ROBO2: variants seen among roughly 807,000 people sequenced by gnomAD.
ROBO2 encodes the protein roundabout guidance receptor 2.
A neutral mutation model predicts 160.8 loss-of-function variants in ROBO2; 53 were observed. That is an observed-to-expected ratio of 0.33 (90% CI 0.26 to 0.41). The LOEUF is 0.41. ROBO2 is among the 10% of genes least tolerant of loss of function. The probability of loss-of-function intolerance (pLI) is 1.00; values close to 1 mark genes in which losing one functional copy is unlikely to be tolerated. For synonymous variants in ROBO2, 664 were observed against 611.7 expected, an observed-to-expected ratio of 1.09 and a Z score of -1.26; for missense variants, 1,577 against 1,722.4, an observed-to-expected ratio of 0.92 and a Z score of 1.49.
chr3:77,454,809 A>G (rs940014439), intron 2 of ROBO2, among the ~76,000 whole-genome samples: 3 of 151,916 alleles, frequency 2.0e-5, no homozygotes, highest in African/African-American at 7.3e-5. Flanking sequence ...ATATCCATTC[A>G]TTTGTGGTAG....
intron 2 of ROBO2, among the ~76,000 whole-genome samples, chr3:76,138,242 T>C (rs1019267020): frequency 6.6e-6 from 1 of 152,008 alleles, no homozygotes; most frequent in Non-Finnish European, 1.5e-5. Context: ...AAAAGCACTT[T>C]TATGTTGCGC....
chr3:75,922,308 A>T (rs536796654), intron 1 of ROBO2, among the ~76,000 whole-genome samples: 1 of 152,324 alleles, frequency 6.6e-6, no homozygotes, highest in Admixed American at 6.5e-5. Context: ...ATAGACAAAT[A>T]TCACTTGCAA....
At chr3:76,297,982 C>A (rs1709166392) in intron 2 of ROBO2, among the ~76,000 whole-genome samples, 1 of 152,120 alleles carries the variant, frequency 6.6e-6, no homozygotes, top group African/African-American at 2.4e-5. Context: ...AAAGATGCAT[C>A]TAAAGTGCTG....
In ROBO2 at chr3:75,933,155, G is replaced by A. The variant is rs572599036; in HGVS notation, c.-13-4326G>A. Among the ~76,000 whole-genome samples the A allele has an allele frequency of 2.3e-4, 35 of 152,252 alleles. No homozygotes were observed. In the South Asian group the frequency reaches 6.8e-3, roughly 30 times the overall value. ...ATCTTAATCTAAGTTATTACTGAAT[G>A]TGAGTCATGTGATGGCTTCTAATGA... On this transcript the variant is annotated intron_variant, in intron 1 of 26. Transcript: ENST00000487694.
chr3:76,277,676 A>T (rs557578348), intron 2 of ROBO2, among the ~76,000 whole-genome samples: 17 of 152,112 alleles, frequency 1.1e-4, no homozygotes, highest in African/African-American at 3.8e-4. Context: ...GTCATTAAAA[A>T]TTAGCAGTGT....
chr3:76,268,658 G>C (rs1183414236), intron 2 of ROBO2, among the ~76,000 whole-genome samples: 3 of 152,068 alleles, frequency 2.0e-5, no homozygotes, highest in African/African-American at 7.2e-5. Context: ...TTCAAATAAA[G>C]TCACGTTTGA....
intron 2 of ROBO2, among the ~76,000 whole-genome samples, chr3:76,436,193 CTTTT>C (rs200738328): frequency 5.3e-5 from 8 of 151,108 alleles, no homozygotes; most frequent in African/African-American, 1.7e-4. Context: ...ATTTCTTTTT[CTTTT>C]TTTTTATTTT....
chr3:77,016,686 A>G (rs1256121263), intron 2 of ROBO2, among the ~76,000 whole-genome samples: 6 of 152,144 alleles, frequency 3.9e-5, no homozygotes, highest in African/African-American at 1.4e-4. Flanking sequence ...TCACCATTCT[A>G]TAGGTGAGGA....
upstream of ROBO2, among the ~76,000 whole-genome samples, chr3:77,038,712 A>T (rs551750294): frequency 6.6e-6 from 1 of 152,046 alleles, no homozygotes; most frequent in Non-Finnish European, 1.5e-5. Context: ...GCCCGGCCGC[A>T]CCGGGGCACC....
intron 2 of ROBO2, among the ~76,000 whole-genome samples, chr3:77,275,319 A>G (rs561102421): frequency 1.3e-4 from 20 of 152,300 alleles, no homozygotes; most frequent in Non-Finnish European, 2.5e-4. Context: ...GTCATTCAAA[A>G]CTATCATATG....
intron 2 of ROBO2, among the ~76,000 whole-genome samples, chr3:76,539,435 C>G (rs1214760676): frequency 6.6e-6 from 1 of 151,726 alleles, no homozygotes; most frequent in Non-Finnish European, 1.5e-5. Context: ...GGATAGTAGG[C>G]CACAAAATTC....
At chr3:76,034,795 G>A (rs2171639) in intron 2 of ROBO2, among the ~76,000 whole-genome samples, 5,598 of 152,096 alleles carry the variant, frequency 0.037, 393 homozygotes, top group African/African-American at 0.12. Flanking sequence ...GCCTTGCCTG[G>A]TTCCAGCTAT....
intron 2 of ROBO2, among the ~76,000 whole-genome samples, chr3:76,484,333 T>C (rs1051625736): frequency 6.6e-6 from 1 of 152,158 alleles, no homozygotes; most frequent in African/African-American, 2.4e-5. Flanking sequence ...ATGTAAAATA[T>C]ATGTGCTTTT....
chr3:77,543,302 A>G (rs2092559835), intron 6 of ROBO2, among the ~76,000 whole-genome samples: 1 of 152,190 alleles, frequency 6.6e-6, no homozygotes, highest in Admixed American at 6.5e-5. Flanking sequence ...AGCCTCTGCC[A>G]CAGGGCAAGA....
intron 2 of ROBO2, among the ~76,000 whole-genome samples, chr3:77,342,720 C>T (rs1015920045): frequency 6.6e-5 from 10 of 152,174 alleles, no homozygotes; most frequent in African/African-American, 2.2e-4. Flanking sequence ...TGGCATCCCC[C>T]ACCCAACACA....
chr3:77,332,196 C>T (rs750800581), intron 2 of ROBO2, among the ~76,000 whole-genome samples: 21 of 152,044 alleles, frequency 1.4e-4, no homozygotes, highest in Non-Finnish European at 2.8e-4. Context: ...ATGTCTATTG[C>T]CTAATACTTT....
chr3:77,040,364 C>T lies in ROBO2; in HGVS notation c.-422C>T. 1.0e-6 allele frequency: 1 copy of T among 1,004,384 alleles called. No individual in the cohort carries two copies. The highest frequency in any genetic ancestry group is 1.2e-6 in the Non-Finnish European group (1 of 842,788). The allele number at this position is 1,004,384 out of a possible 1,614,324, so 62.2% of individuals were successfully genotyped here. Reference sequence around the variant, plus strand: ...AGTAGGCAGGCCAATGGTTTTTCGGCAGCGCGCTGGCAAGTTTGTGGAACA... The same window carrying T: ...AGTAGGCAGGCCAATGGTTTTTCGGTAGCGCGCTGGCAAGTTTGTGGAACA... On this transcript the variant is annotated 5_prime_UTR_variant, in exon 1 of 26. An upstream open reading frame in the 5' UTR gains an earlier in-frame stop. Transcript: ENST00000461745.
At chr3:76,749,438 T>C (rs1560493606) in intron 2 of ROBO2, among the ~76,000 whole-genome samples, 1 of 151,946 alleles carries the variant, frequency 6.6e-6, no homozygotes, top group Non-Finnish European at 1.5e-5. Context: ...GAGAAACTTA[T>C]TAAAAGATAT....
intron 2 of ROBO2, among the ~76,000 whole-genome samples, chr3:77,314,873 A>C (rs1239088173): frequency 6.6e-6 from 1 of 152,188 alleles, no homozygotes; most frequent in African/African-American, 2.4e-5. Context: ...CTTGTGAAAA[A>C]TAAACTTATT....
Sources: allele counts gnomAD v4.1 joint callset (sites outside exome capture counted in the v4.1 genomes callset), GRCh38; gene constraint gnomAD v4.1.1; transcripts MANE v1.5; gene names NCBI Gene and HGNC (gene_info 2026-07-23, HGNC 2026-07-21).